Variants in AGL observed in about 807,000 individuals in gnomAD.
AGL encodes the protein glycogen debranching enzyme.
In AGL, 128 loss-of-function variants were observed where a neutral mutation model predicts 199.3. The observed-to-expected ratio is 0.64, with a 90% CI of 0.56 to 0.74. The LOEUF is 0.74. Ranked by LOEUF, AGL falls within the 30% of genes least tolerant of loss-of-function variation. The probability of loss-of-function intolerance (pLI) is 0.00; values close to 1 mark genes in which losing one functional copy is unlikely to be tolerated. For missense variants in AGL, 1,809 were observed against 1,820.8 expected, an observed-to-expected ratio of 0.99 and a Z score of 0.12; for synonymous variants, 584 against 594.7, an observed-to-expected ratio of 0.98 and a Z score of 0.26.
chr1:99,893,507 A>G (rs140441262), intron 24 of AGL, among the ~76,000 whole-genome samples: 2 of 152,326 alleles, frequency 1.3e-5, no homozygotes, highest in East Asian at 3.9e-4. Flanking sequence ...GACCTTAGCC[A>G]TAGGGGCAAA....
rs921659317 is a variant in AGL at position 99,921,393 on chromosome 1, C to G, written c.4482-141C>G. ...TTTCAGTCTAAATTCATTTGTATGT[C>G]TTTAGGATATTGTTTTATTTTGTAG... On this transcript the variant is annotated intron_variant, in intron 33 of 33. Coordinates refer to ENST00000361915, the MANE Select transcript of AGL (RefSeq NM_000642.3). The G allele has an allele frequency of 4.3e-6, 3 of 699,800 alleles. No individual in the cohort carries two copies. In the African/African-American group the frequency reaches 5.3e-5, roughly 12 times the overall value. The allele number at this position is 699,800 out of a possible 1,614,324, so 43.3% of individuals were successfully genotyped here. A position where few individuals can be genotyped will look rare whatever the true frequency, so the allele number is the denominator to read the frequency against.
chr1:99,892,693 G>C, intron 24 of AGL, 86 bp downstream of exon 24: 1 of 1,297,852 alleles, frequency 7.7e-7, no homozygotes, highest in Non-Finnish European at 1.1e-6. Flanking sequence ...TTTTTTAAAA[G>C]CTTGTAATGC....
At chr1:99,882,585 T>G (rs1652133609) in intron 17 of AGL, among the ~76,000 whole-genome samples, 1 of 152,212 alleles carries the variant, frequency 6.6e-6, no homozygotes, top group African/African-American at 2.4e-5. Context: ...GTTCAGTGAT[T>G]CTTCTGAACA....
At position 99,876,574 on chromosome 1, in the gene AGL, C is replaced by T. The variant is rs542868482; in HGVS notation, c.1400C>T (p.Pro467Leu). 3 of 1,613,992 alleles carry T rather than the reference C, an allele frequency of 1.9e-6. No homozygotes were observed. The African/African-American group carries it at 4.0e-5, about 22-fold the overall frequency. Residue 467 changes from proline (P) to leucine (L), a missense_variant, in exon 11 of 34, where the codon CCT (proline) becomes CTT (leucine). Transcript: ENST00000361915. The part of the protein sequence containing the change: ...AHNGWVMGDD[P>L]LRNFAEPGSE... ...AATGGATGGGTAATGGGAGATGATC[C>T]TCTTCGAAACTTTGCTGAACCGGGT... is the stretch of plus-strand genomic sequence containing the variant.
chr1:99,888,462 A>G (rs1652630373), intron 21 of AGL, among the ~76,000 whole-genome samples: 1 of 152,192 alleles, frequency 6.6e-6, no homozygotes, highest in Admixed American at 6.5e-5. Context: ...CTTTATGTAT[A>G]CTTGGACCTT....
chr1:99,872,144 G>A (rs1557755760), intron 7 of AGL, among the ~76,000 whole-genome samples: 1 of 151,914 alleles, frequency 6.6e-6, no homozygotes, highest in Non-Finnish European at 1.5e-5. Flanking sequence ...AATTTATTTA[G>A]CCTTTTTGAT....
intron 2 of AGL, among the ~76,000 whole-genome samples, chr1:99,857,029 C>T (rs1649540341): frequency 6.6e-6 from 1 of 151,752 alleles, no homozygotes; most frequent in South Asian, 2.1e-4. Flanking sequence ...GGCAGAGGCG[C>T]CCCTCACCTC....
intron 27 of AGL, among the ~76,000 whole-genome samples, chr1:99,905,598 CA>C (rs1342146181): frequency 6.6e-6 from 1 of 152,142 alleles, no homozygotes; most frequent in Non-Finnish European, 1.5e-5. Context: ...TTTTTAGAGA[CA>C]GGGTCCCACT....
Position 99,881,590 on chromosome 1 carries a change from C to T in AGL, c.2207C>T (p.Ser736Leu), listed in dbSNP as rs1385878017. 2 of 1,613,928 alleles carry T rather than the reference C, an allele frequency of 1.2e-6. No individual in the cohort carries two copies. Among genetic ancestry groups the T allele is most frequent in the African/African-American group, 2.7e-5 (2 of 74,894 alleles). Residue 736 changes from serine to leucine, a missense_variant, in exon 17 of 34, where the codon TCA (serine) becomes TTA (leucine). Ser to Leu is a moderately radical substitution (Grantham distance 145). Coordinates refer to ENST00000361915, the MANE Select transcript of AGL (RefSeq NM_000642.3). Reference protein sequence around the residue: ...DEDIVAVTRHSPSIHQSVVAV... With the variant: ...DEDIVAVTRHLPSIHQSVVAV... The stretch of plus-strand genomic sequence containing the variant: ...GACATAGTGGCAGTAACAAGACACT[C>T]ACCTAGCATCCATCAGTCTGTTGTG...
At chr1:99,897,834 T>C (rs1653453704) in intron 25 of AGL, among the ~76,000 whole-genome samples, 1 of 151,956 alleles carries the variant, frequency 6.6e-6, no homozygotes. Flanking sequence ...TAGAGTAATA[T>C]CTGCCACATG....
At position 99,870,796 on chromosome 1, in the gene AGL, G is replaced by C. The variant is rs778977370; in HGVS notation, c.885G>C (p.Lys295Asn). 1.9e-6 allele frequency: 3 copies of C among 1,611,696 alleles called. No individual in the cohort carries two copies. Among genetic ancestry groups the C allele is most frequent in the South Asian group, 1.1e-5 (1 of 90,982 alleles). The change falls in exon 7 of 34, where the codon AAG (lysine) becomes AAC (asparagine). Residue 295 changes from lysine to asparagine, a missense_variant. Lys to Asn is a moderately conservative substitution (Grantham distance 94, BLOSUM62 0). Coordinates refer to ENST00000361915, the MANE Select transcript of AGL (RefSeq NM_000642.3). ...TAATTTGGGAGGATATTTTTCCAAAGCTTAAACTCTGGGAATTTTTCCAAG... is the reference window on the plus strand; with the variant it reads ...TAATTTGGGAGGATATTTTTCCAAACCTTAAACTCTGGGAATTTTTCCAAG... ...RKIIWEDIFP[K>N]LKLWEFFQVD... is the part of the protein sequence containing the mutation.
chr1:99,887,656 T>C (rs1652553171), intron 20 of AGL, among the ~76,000 whole-genome samples: 1 of 151,972 alleles, frequency 6.6e-6, no homozygotes, highest in Non-Finnish European at 1.5e-5. Context: ...AAGTCCAAAC[T>C]AGAAAGGTTA....
In AGL at chr1:99,877,744, GA is replaced by G; in HGVS notation, c.1533del (p.Lys511AsnfsTer5). ...EDCPYLWAHM[K>X]KYTEITATYF... ...ACTGTCCTTATCTCTGGGCACACATGAAAAAATACACTGAAATAACTGCAAC... is the reference window on the plus strand; with the variant it reads ...ACTGTCCTTATCTCTGGGCACACATGAAAAATACACTGAAATAACTGCAAC... On this transcript the variant is annotated frameshift_variant, in exon 12 of 34. Transcript: ENST00000361915. LOFTEE classifies it high-confidence loss of function. 6.2e-7 allele frequency: 1 copy of G among 1,614,006 alleles called. No individual in the cohort carries two copies. Among genetic ancestry groups the G allele is most frequent in the Non-Finnish European group, 8.5e-7 (1 of 1,179,962 alleles).
chr1:99,868,597 G>A (rs1650730647), intron 5 of AGL, among the ~76,000 whole-genome samples: 1 of 152,012 alleles, frequency 6.6e-6, no homozygotes, highest in Non-Finnish European at 1.5e-5. Flanking sequence ...GGGTGACAAA[G>A]CAAGACTCTG....
In AGL at chr1:99,900,851, C is replaced by T. The variant is rs1255480131; in HGVS notation, c.3578C>T (p.Ala1193Val). 3.1e-6 allele frequency: 5 copies of T among 1,604,386 alleles called. No homozygotes were observed. The highest frequency in any genetic ancestry group is 1.3e-5 in the African/African-American group (1 of 74,254). The stretch of plus-strand genomic sequence containing the variant: ...ACAGATGATTCTGCTCCTTTGCCTG[C>T]TGGCACACTGGTAAAGATATTTCTT... The part of the protein sequence containing the change: ...YPTDDSAPLP[A>V]GTLDQPLFEV... Residue 1193 changes from alanine (A) to valine (V), a missense_variant, in exon 26 of 34, where the codon GCT (alanine) becomes GTT (valine). Ala to Val is a moderately conservative substitution (Grantham distance 64). Coordinates refer to ENST00000361915, the MANE Select transcript of AGL (RefSeq NM_000642.3).
At chr1:99,885,265 C>G (rs951551251) in intron 20 of AGL, among the ~76,000 whole-genome samples, 1 of 152,136 alleles carries the variant, frequency 6.6e-6, no homozygotes, top group Non-Finnish European at 1.5e-5. Context: ...TCATTACTGT[C>G]AGTATGATCT....
chr1:99,855,709 G>T (rs1167527878), intron 2 of AGL, among the ~76,000 whole-genome samples: 1 of 151,912 alleles, frequency 6.6e-6, no homozygotes, highest in Non-Finnish European at 1.5e-5. Flanking sequence ...GCTAAGGCAG[G>T]AGAATCGCTT....
intron 25 of AGL, among the ~76,000 whole-genome samples, chr1:99,897,588 A>ATGGTT (rs1258488215): frequency 6.6e-6 from 1 of 152,178 alleles, no homozygotes; most frequent in Non-Finnish European, 1.5e-5. Context: ...ACCTTTTTGT[A>ATGGTT]TTACCATTAT....
Position 99,894,020 on chromosome 1 carries a change from CA to C in AGL, c.3259+1424del, listed in dbSNP as rs59279627. 5.7e-3 allele frequency among the ~76,000 whole-genome samples: 826 copies of C among 144,780 alleles called. 5 individuals carry two copies. Among genetic ancestry groups the C allele is most frequent in the African/African-American group, 0.017 (672 of 39,692 alleles). 95.0% of individuals were successfully genotyped at this position (144,780 alleles called of 152,430 possible). A position where few individuals can be genotyped will look rare whatever the true frequency, so the allele number is the denominator to read the frequency against. ...CAACATAGCAAGACCCCATCTTTACCAAAAAAAAAAATTAAAAATTAGCCAG... is the reference window on the plus strand; with the variant it reads ...CAACATAGCAAGACCCCATCTTTACCAAAAAAAAAATTAAAAATTAGCCAG... On this transcript the variant is annotated intron_variant, in intron 24 of 33. Transcript: ENST00000361915.
Sources: gnomAD v4.1 joint callset for allele counts (sites outside exome capture counted in the v4.1 genomes callset) on GRCh38, gnomAD v4.1.1 for gene constraint, MANE v1.5 for transcripts, NCBI Gene and HGNC (gene_info 2026-07-23, HGNC 2026-07-21) for gene names.